Variants in GALK2 observed in about 807,000 individuals in gnomAD.
GALK2 encodes galactokinase 2, also known as N-acetylgalactosamine kinase.
In GALK2, 36 loss-of-function variants were observed where a neutral mutation model predicts 52.4. The observed-to-expected ratio is 0.69, with a 90% confidence interval of 0.53 to 0.91. The LOEUF is 0.91. GALK2 is among the 40% of genes least tolerant of loss of function. The probability of loss-of-function intolerance (pLI) is 0.00; values close to 1 mark genes in which losing one functional copy is unlikely to be tolerated. For missense variants in GALK2, 579 were observed against 559.1 expected (o/e 1.04, Z -0.36); for synonymous variants, 176 against 199.1 (o/e 0.88, Z 0.98).
chr15:49,241,400 G>C (rs1336682661), intron 5 of GALK2, among the ~76,000 whole-genome samples: 1 of 152,120 alleles, frequency 6.6e-6, no homozygotes, highest in Non-Finnish European at 1.5e-5. Context: ...CCACTGAAGG[G>C]ATTGAGGAGT....
rs558264847 is a variant in GALK2, at chr15:49,276,685, A to G, written c.505-5302A>G. 9.1e-4 allele frequency among the ~76,000 whole-genome samples: 139 copies of G among 152,354 alleles called. 5 individuals are homozygous for G. The South Asian group carries it at 0.028, about 30-fold the overall frequency. On this transcript the variant is annotated intron_variant, in intron 5 of 9. Transcript: ENST00000560031. The stretch of plus-strand genomic sequence containing the variant: ...CTCACATGTCTCCCTCACATCATCC[A>G]TAATGACAGCATTCTCTGCTTCCTT...
chr15:49,184,035 G>A (rs2086168208), intron 1 of GALK2, among the ~76,000 whole-genome samples: 1 of 152,066 alleles, frequency 6.6e-6, no homozygotes, highest in Non-Finnish European at 1.5e-5. Context: ...TTTTCTGTCT[G>A]GATGATCTGT....
At chr15:49,262,830 A>T (rs999917273) in intron 5 of GALK2, among the ~76,000 whole-genome samples, 8 of 146,040 alleles carry the variant, frequency 5.5e-5, no homozygotes, top group Non-Finnish European at 1.2e-4. Context: ...TTATGTACCC[A>T]GTAGTCATTC....
intron 1 of GALK2, among the ~76,000 whole-genome samples, chr15:49,191,051 A>G (rs1223547008): frequency 6.6e-6 from 1 of 152,190 alleles, no homozygotes; most frequent in African/African-American, 2.4e-5. Flanking sequence ...ATTGGGCAGC[A>G]CTTCATTCTA....
chr15:49,225,706 C>T (rs957738788), intron 3 of GALK2, among the ~76,000 whole-genome samples: 4 of 152,196 alleles, frequency 2.6e-5, no homozygotes, highest in African/African-American at 9.6e-5. Flanking sequence ...AGGGTGTGGG[C>T]TCCTTCCCTG....
chr15:49,331,669 C>T lies in GALK2; in HGVS notation c.*3510C>T, dbSNP rs1305212859. 1.5e-6 allele frequency: 1 copy of T among 689,488 alleles called. No individual in the cohort carries two copies. The highest frequency in any genetic ancestry group is 2.6e-6 in the Non-Finnish European group (1 of 381,046). The allele number at this position is 689,488 out of a possible 1,614,324, so 42.7% of individuals were successfully genotyped here. A position where few individuals can be genotyped will look rare whatever the true frequency, so the allele number is the denominator to read the frequency against. ...TTAAGTAACAAGAATGTATCCTCTC[C>T]TGCCACTGTAATTTGGGTGTGCCAC... On this transcript the variant is annotated 3_prime_UTR_variant, in exon 10 of 10. Transcript: ENST00000560031.
chr15:49,335,040 A>G (rs2039458997), downstream of GALK2, among the ~76,000 whole-genome samples: 1 of 152,184 alleles, frequency 6.6e-6, no homozygotes, highest in Admixed American at 6.5e-5. Flanking sequence ...GCTTGACACC[A>G]GCCCAGCTGC....
chr15:49,173,039 T>C (rs2085203347), intron 1 of GALK2, among the ~76,000 whole-genome samples: 1 of 152,204 alleles, frequency 6.6e-6, no homozygotes. Flanking sequence ...TCCCTTAGAT[T>C]ATCACACCCC....
At chr15:49,360,634 A>C (rs2044051930) in intron 3 of GALK2, among the ~76,000 whole-genome samples, 1 of 152,202 alleles carries the variant, frequency 6.6e-6, no homozygotes, top group South Asian at 2.1e-4. Context: ...TCTGCAGTTT[A>C]AAGATATACC....
At chr15:49,224,844 TG>T (rs2090040112) in intron 3 of GALK2, among the ~76,000 whole-genome samples, 2 of 152,192 alleles carry the variant, frequency 1.3e-5, no homozygotes, top group South Asian at 4.1e-4. Flanking sequence ...CTTTTAACTG[TG>T]GTTTAAATGG....
chr15:49,201,037 G>C (rs891878879), intron 1 of GALK2, 125 bp from the exon 2 acceptor site: 2 of 464,662 alleles, frequency 4.3e-6, no homozygotes, highest in Middle Eastern at 5.5e-4. Flanking sequence ...AATAATTAAT[G>C]GTGGCAGGCA....
At chr15:49,296,458 A>G (rs1444010766) in intron 8 of GALK2, among the ~76,000 whole-genome samples, 1 of 152,176 alleles carries the variant, frequency 6.6e-6, no homozygotes, top group Non-Finnish European at 1.5e-5. Context: ...ACATTATTTC[A>G]TTCCTTTTTA....
At chr15:49,219,719 G>A (rs1489923805) in intron 3 of GALK2, among the ~76,000 whole-genome samples, 1 of 152,194 alleles carries the variant, frequency 6.6e-6, no homozygotes, top group Non-Finnish European at 1.5e-5. Context: ...GCTGAGGCAG[G>A]AGAATCACTT....
rs1189843683 is a variant in GALK2, at chr15:49,192,155, TC to T, written c.54-9005del. Reference sequence around the variant, plus strand: ...TCAGATTTATATTGTGTTGTTTCTTTCCAGTTCTGGAATCAGCCATTTCTTT... The same window carrying T: ...TCAGATTTATATTGTGTTGTTTCTTTCAGTTCTGGAATCAGCCATTTCTTT... On this transcript the variant is annotated intron_variant, in intron 1 of 9. Coordinates refer to ENST00000560031, the MANE Select transcript of GALK2 (RefSeq NM_002044.4). Among the ~76,000 whole-genome samples, 4 of 152,084 alleles carry T rather than the reference TC, an allele frequency of 2.6e-5. No individual in the cohort carries two copies. In the East Asian group the frequency reaches 7.7e-4, roughly 29 times the overall value.
downstream of GALK2, among the ~76,000 whole-genome samples, chr15:49,335,263 C>T (rs1332319992): frequency 6.6e-6 from 1 of 152,134 alleles, no homozygotes; most frequent in Non-Finnish European, 1.5e-5. Context: ...CAACATACAC[C>T]CTTGACACTT....
downstream of GALK2, among the ~76,000 whole-genome samples, chr15:49,332,862 G>A (rs113608274): frequency 6.5e-3 from 983 of 152,198 alleles, 17 homozygotes; most frequent in African/African-American, 0.023. Context: ...TTACTTAGTC[G>A]GAGGTTCTCT....
intron 8 of GALK2, among the ~76,000 whole-genome samples, chr15:49,315,393 TATA>T (rs2036318842): frequency 6.6e-6 from 1 of 152,258 alleles, no homozygotes; most frequent in African/African-American, 2.4e-5. Flanking sequence ...AACATCCAGC[TATA>T]ATGTTAGCTG....
intron 3 of GALK2, among the ~76,000 whole-genome samples, chr15:49,341,265 A>G (rs2040691827): frequency 1.3e-5 from 2 of 152,032 alleles, no homozygotes; most frequent in Non-Finnish European, 2.9e-5. Context: ...TGGTTTTAGA[A>G]TAGTTTTTTT....
Position 49,155,886 on chromosome 15 carries a change from C to T in GALK2, c.-111C>T, listed in dbSNP as rs60899981. The T allele has an allele frequency of 2.8e-3, 3,518 of 1,245,720 alleles. 69 individuals carry two copies. The African/African-American group carries it at 0.047, about 17-fold the overall frequency. 77.2% of individuals were successfully genotyped at this position (1,245,720 alleles called of 1,614,324 possible). A position where few individuals can be genotyped will look rare whatever the true frequency, so the allele number is the denominator to read the frequency against. ...GCTCGCATCGAGCAGTTTCCAGCCT[C>T]CTGGGTAAAGGAGCAGTCTCCTCCC... On this transcript the variant is annotated 5_prime_UTR_variant, in exon 1 of 10. Transcript: ENST00000327171.
Sources: allele counts gnomAD v4.1 joint callset (sites outside exome capture counted in the v4.1 genomes callset), GRCh38; gene constraint gnomAD v4.1.1; transcripts MANE v1.5; gene names NCBI Gene and HGNC (gene_info 2026-07-23, HGNC 2026-07-21).